Variants in YAF2 observed in about 807,000 individuals in gnomAD.
YAF2 encodes the protein YY1 associated factor 2.
YAF2 carries 7 observed loss-of-function variants against 20.1 expected under a neutral mutation model. That is an observed-to-expected ratio of 0.35 (90% CI 0.20 to 0.65). YAF2 has a LOEUF of 0.65. YAF2 is among the 30% of genes least tolerant of loss of function. YAF2 has a pLI of 0.69. For missense variants in YAF2, 151 were observed against 219.2 expected (o/e 0.69, Z 1.96); for synonymous variants, 74 against 76.0 (o/e 0.97, Z 0.14).
intron 2 of YAF2, among the ~76,000 whole-genome samples, chr12:42,224,408 G>A (rs975575378): frequency 6.6e-6 from 1 of 151,926 alleles, no homozygotes; most frequent in Non-Finnish European, 1.5e-5. Flanking sequence ...TTTAAATTCT[G>A]GGATACATGT....
At chr12:42,236,113 T>C in intron 2 of YAF2, 1 of 1,390,868 alleles carries the variant, frequency 7.2e-7, no homozygotes, top group Non-Finnish European at 9.5e-7. Flanking sequence ...AGATTATAAT[T>C]GTTTCCACTT....
intron 2 of YAF2, among the ~76,000 whole-genome samples, chr12:42,229,679 T>C (rs1432830876): frequency 2.0e-5 from 3 of 152,200 alleles, no homozygotes; most frequent in Non-Finnish European, 4.4e-5. Context: ...TATACAAACC[T>C]AGATGGTACA....
chr12:42,194,946 T>A (rs1258105774), intron 2 of YAF2, among the ~76,000 whole-genome samples: 1 of 152,200 alleles, frequency 6.6e-6, no homozygotes, highest in African/African-American at 2.4e-5. Context: ...CTGACAACAC[T>A]TTATAGACAT....
intron 2 of YAF2, 80 bp from the exon 3 acceptor site, chr12:42,161,845 T>G (rs1255926991): frequency 7.9e-7 from 1 of 1,266,670 alleles, no homozygotes; most frequent in Non-Finnish European, 1.1e-6. Flanking sequence ...TCTCACATTA[T>G]GAAAACAAGT....
At chr12:42,198,019 TA>T (rs577841327) in intron 2 of YAF2, among the ~76,000 whole-genome samples, 1 of 151,196 alleles carries the variant, frequency 6.6e-6, no homozygotes, top group Non-Finnish European at 1.5e-5. Flanking sequence ...GAAAAAAAGT[TA>T]AAAAAAAATC....
At chr12:42,165,976 G>C (rs768644003) in intron 2 of YAF2, among the ~76,000 whole-genome samples, 1 of 151,818 alleles carries the variant, frequency 6.6e-6, no homozygotes, top group African/African-American at 2.4e-5. Flanking sequence ...GGAGTGCGGT[G>C]GCGTGATCTT....
chr12:42,174,465 G>A (rs945970334), intron 2 of YAF2, among the ~76,000 whole-genome samples: 7 of 152,098 alleles, frequency 4.6e-5, no homozygotes, highest in Non-Finnish European at 8.8e-5. Flanking sequence ...TTCATTTACT[G>A]ATTCCCTTCC....
At chr12:42,195,268 A>G (rs1374049670) in intron 2 of YAF2, among the ~76,000 whole-genome samples, 1 of 152,220 alleles carries the variant, frequency 6.6e-6, no homozygotes, top group Non-Finnish European at 1.5e-5. Flanking sequence ...ATCAATGGAT[A>G]TATTATTTTA....
chr12:42,199,706 G>A (rs769359201), intron 2 of YAF2, among the ~76,000 whole-genome samples: 1 of 152,004 alleles, frequency 6.6e-6, no homozygotes, highest in Non-Finnish European at 1.5e-5. Context: ...AGTTTCACAA[G>A]CTAGCACTAA....
chr12:42,235,004 A>T, intron 2 of YAF2: 5 of 985,412 alleles, frequency 5.1e-6, no homozygotes, highest in Non-Finnish European at 6.0e-6. Flanking sequence ...GAAAAAAGAA[A>T]AAAAGAAGAC....
chr12:42,223,059 A>T (rs1024671887), intron 2 of YAF2, among the ~76,000 whole-genome samples: 2 of 151,838 alleles, frequency 1.3e-5, no homozygotes, highest in Non-Finnish European at 2.9e-5. Context: ...TCCTATATAC[A>T]CTTCCATTTG....
chr12:42,235,526 AGGTTTAAC>A (rs1212357547), intron 2 of YAF2: 2 of 1,320,188 alleles, frequency 1.5e-6, no homozygotes, highest in African/African-American at 3.0e-5. Context: ...TAGAGCTCTT[AGGTTTAAC>A]TTAGAGCCAA....
chr12:42,220,746 T>C (rs1209388005), intron 2 of YAF2, among the ~76,000 whole-genome samples: 2 of 152,196 alleles, frequency 1.3e-5, no homozygotes, highest in East Asian at 1.9e-4. Context: ...GATCAGACTA[T>C]AAAACATGTA....
chr12:42,222,937 C>CTTTTTTTT (rs75277041), intron 2 of YAF2, among the ~76,000 whole-genome samples: 1 of 140,910 alleles, frequency 7.1e-6, no homozygotes, highest in Non-Finnish European at 1.6e-5. Flanking sequence ...CTGCCAAATT[C>CTTTTTTTT]TTTTTTTTTT....
In YAF2 at chr12:42,157,593, A is replaced by G. The variant is rs2065730124; in HGVS notation, c.*2996T>C. On this transcript the variant is annotated 3_prime_UTR_variant, in exon 4 of 4. Transcript: ENST00000534854. ...TAAGGATCTTTATCTAAAAGTTAAT[A>G]AACATGCTATCAACTTAGAAAGGCT... 1.3e-5 allele frequency: 2 copies of G among 152,216 alleles called. No homozygotes were observed. Among genetic ancestry groups the G allele is most frequent in the Non-Finnish European group, 2.9e-5 (2 of 68,044 alleles). The allele number at this position is 152,216 out of a possible 1,614,324, so 9.4% of individuals were successfully genotyped here.
At chr12:42,168,474 G>A (rs770247985) in intron 2 of YAF2, among the ~76,000 whole-genome samples, 21 of 152,226 alleles carry the variant, frequency 1.4e-4, no homozygotes, top group African/African-American at 3.9e-4. Flanking sequence ...GAGCCACCAT[G>A]CCTGGCCGAA....
intron 2 of YAF2, among the ~76,000 whole-genome samples, chr12:42,211,894 C>A (rs971173448): frequency 1.3e-5 from 2 of 151,838 alleles, no homozygotes; most frequent in Admixed American, 1.3e-4. Flanking sequence ...ACTAAAAATA[C>A]AAAAATTAGC....
chr12:42,229,550 T>C (rs558215057), intron 2 of YAF2, among the ~76,000 whole-genome samples: 52 of 152,292 alleles, frequency 3.4e-4, no homozygotes, highest in Admixed American at 2.9e-3. Flanking sequence ...TATACTACAA[T>C]ATATTTATTC....
At chr12:42,233,576 A>C (rs761925005) in intron 2 of YAF2, 38 of 783,942 alleles carry the variant, frequency 4.8e-5, no homozygotes, top group Non-Finnish European at 5.6e-5. Flanking sequence ...CAGTGGTATG[A>C]TCACAGCTCA....
Sources: gnomAD v4.1 joint callset for allele counts (sites outside exome capture counted in the v4.1 genomes callset) on GRCh38, gnomAD v4.1.1 for gene constraint, MANE v1.5 for transcripts, NCBI Gene and HGNC (gene_info 2026-07-23, HGNC 2026-07-21) for gene names.